Variants in BBS9 observed in about 807,000 individuals in gnomAD.
BBS9 encodes the protein protein PTHB1.
In BBS9, 89 loss-of-function variants were observed where a neutral mutation model predicts 117.7. The ratio of observed to expected loss-of-function variants is 0.76; its 90% CI spans 0.64 to 0.90. BBS9 has a LOEUF of 0.90. Ranked by LOEUF, BBS9 falls within the 40% of genes least tolerant of loss-of-function variation. BBS9 has a pLI of 0.00. For missense variants in BBS9, 982 were observed against 1,042.2 expected (o/e 0.94, Z 0.80); for synonymous variants, 379 against 370.9 (o/e 1.02, Z -0.25).
chr7:33,131,295 C>T (rs980500187), intron 1 of BBS9, among the ~76,000 whole-genome samples: 9 of 152,148 alleles, frequency 5.9e-5, no homozygotes, highest in African/African-American at 1.9e-4. Flanking sequence ...GCCATTTTAT[C>T]CTCCTCCACC....
At chr7:33,484,961 C>T (rs1842910146) in intron 19 of BBS9, among the ~76,000 whole-genome samples, 1 of 152,146 alleles carries the variant, frequency 6.6e-6, no homozygotes, top group Non-Finnish European at 1.5e-5. Context: ...TACTATGCAG[C>T]CATAAAAAGG....
chr7:33,164,042 A>G (rs1020783293), intron 4 of BBS9, among the ~76,000 whole-genome samples: 7 of 152,040 alleles, frequency 4.6e-5, no homozygotes, highest in Non-Finnish European at 8.8e-5. Context: ...CTTTGTTCCC[A>G]TTGGTTTCAA....
Position 33,472,991 on chromosome 7 carries a change from C to G in BBS9, c.2116-32472C>G, listed in dbSNP as rs142996771. 2.0e-5 allele frequency among the ~76,000 whole-genome samples: 3 copies of G among 152,290 alleles called. No homozygotes were observed. In the East Asian group the frequency reaches 5.8e-4, roughly 29 times the overall value. Reference sequence around the variant, plus strand: ...TTGATCTAGTTCCTGGATCCAACCTCTACCTTACCTCAGGCCCTAAGTTGA... The same window carrying G: ...TTGATCTAGTTCCTGGATCCAACCTGTACCTTACCTCAGGCCCTAAGTTGA... On this transcript the variant is annotated intron_variant, in intron 19 of 22. Coordinates refer to ENST00000242067, the MANE Select transcript of BBS9 (RefSeq NM_198428.3).
At chr7:33,522,146 T>C (rs552355646) in intron 20 of BBS9, among the ~76,000 whole-genome samples, 4 of 152,204 alleles carry the variant, frequency 2.6e-5, no homozygotes, top group African/African-American at 7.2e-5. Flanking sequence ...CAGTCTATCA[T>C]TGTTGGACAT....
intron 19 of BBS9, among the ~76,000 whole-genome samples, chr7:33,470,755 G>A (rs536376211): frequency 3.9e-5 from 6 of 152,098 alleles, no homozygotes; most frequent in African/African-American, 1.4e-4. Context: ...AGTTCACAAA[G>A]CAACACATGA....
chr7:33,540,828 C>T (rs1218183863), intron 21 of BBS9, among the ~76,000 whole-genome samples: 1 of 152,138 alleles, frequency 6.6e-6, no homozygotes, highest in Non-Finnish European at 1.5e-5. Context: ...GATTCTCTCC[C>T]CTCCCATCTC....
intron 19 of BBS9, among the ~76,000 whole-genome samples, chr7:33,490,742 CTATTAA>C (rs1465672775): frequency 2.0e-5 from 3 of 152,126 alleles, no homozygotes; most frequent in Non-Finnish European, 4.4e-5. Flanking sequence ...AGCTTCTATT[CTATTAA>C]TAAGAAATAA....
chr7:33,219,906 T>G (rs1789896620), intron 5 of BBS9, among the ~76,000 whole-genome samples: 1 of 152,152 alleles, frequency 6.6e-6, no homozygotes, highest in Admixed American at 6.5e-5. Flanking sequence ...CACACTGCCT[T>G]TATGAGCTGT....
chr7:33,620,928 T>C (rs1211936085), intron 21 of BBS9, among the ~76,000 whole-genome samples: 1 of 152,114 alleles, frequency 6.6e-6, no homozygotes, highest in African/African-American at 2.4e-5. Flanking sequence ...CCAGAAATAA[T>C]TCCATGTGTT....
chr7:33,450,569 TG>T, intron 19 of BBS9, among the ~76,000 whole-genome samples: 2 of 152,292 alleles, frequency 1.3e-5, no homozygotes, highest in Non-Finnish European at 2.9e-5. Flanking sequence ...GCTGTCCTAA[TG>T]GGGGTGAGGT....
intron 20 of BBS9, among the ~76,000 whole-genome samples, chr7:33,513,047 A>G (rs1442973323): frequency 6.6e-6 from 1 of 151,624 alleles, no homozygotes; most frequent in Non-Finnish European, 1.5e-5. Context: ...TTCAGATTGA[A>G]CTCCAGTGCC....
chr7:33,300,816 T>TA (rs1167399961), intron 9 of BBS9, among the ~76,000 whole-genome samples: 2 of 152,086 alleles, frequency 1.3e-5, no homozygotes, highest in African/African-American at 4.8e-5. Flanking sequence ...TCCTTCTGCC[T>TA]AAAAAATGCT....
chr7:33,366,835 C>T (rs1047553936), intron 16 of BBS9, among the ~76,000 whole-genome samples: 5 of 152,114 alleles, frequency 3.3e-5, no homozygotes, highest in Non-Finnish European at 5.9e-5. Flanking sequence ...TGAGCCACCA[C>T]GCCTGGCCTA....
At position 33,351,342 on chromosome 7, in the gene BBS9, TC is replaced by T; in HGVS notation, c.1537+20del. 1.3e-6 allele frequency: 2 copies of T among 1,517,728 alleles called. No individual in the cohort carries two copies. Among genetic ancestry groups the T allele is most frequent in the Non-Finnish European group, 1.8e-6 (2 of 1,092,198 alleles). The allele number at this position is 1,517,728 out of a possible 1,614,324, so 94.0% of individuals were successfully genotyped here. A position where few individuals can be genotyped will look rare whatever the true frequency, so the allele number is the denominator to read the frequency against. On this transcript the variant is annotated intron_variant, in intron 14 of 22. Transcript: ENST00000242067. ...CCAACAGGTAAACATACAGGCTTAA[TC>T]ATTACTTTAAGTTGTTGGAGTTATG...
At chr7:33,567,597 A>AG (rs758164238) in intron 21 of BBS9, among the ~76,000 whole-genome samples, 2 of 151,786 alleles carry the variant, frequency 1.3e-5, no homozygotes, top group Non-Finnish European at 2.9e-5. Context: ...GGCTCTTCTC[A>AG]TTTACTGGGT....
chr7:33,519,492 G>A (rs1585100274), intron 20 of BBS9, among the ~76,000 whole-genome samples: 1 of 152,310 alleles, frequency 6.6e-6, no homozygotes, highest in Non-Finnish European at 1.5e-5. Context: ...TAACCATAAT[G>A]TCAGTTACAG....
chr7:33,278,407 A>G (rs752659602), intron 9 of BBS9, among the ~76,000 whole-genome samples: 6 of 152,230 alleles, frequency 3.9e-5, no homozygotes, highest in Non-Finnish European at 7.3e-5. Flanking sequence ...CAGTTTTAGC[A>G]TAGCACTTAA....
chr7:33,275,290 T>C, intron 9 of BBS9, among the ~76,000 whole-genome samples: 1 of 152,262 alleles, frequency 6.6e-6, no homozygotes, highest in East Asian at 1.9e-4. Context: ...ATAGTTATTT[T>C]GTGTCTGAAA....
At chr7:33,269,134 C>G (rs1799323441) in intron 7 of BBS9, among the ~76,000 whole-genome samples, 1 of 152,086 alleles carries the variant, frequency 6.6e-6, no homozygotes, top group African/African-American at 2.4e-5. Context: ...TCTGGCCAGC[C>G]CCATTTGGAT....
Sources: allele counts gnomAD v4.1 joint callset (sites outside exome capture counted in the v4.1 genomes callset), GRCh38; gene constraint gnomAD v4.1.1; transcripts MANE v1.5; gene names NCBI Gene and HGNC (gene_info 2026-07-23, HGNC 2026-07-21).